Variants in ESR1 observed in about 807,000 individuals in gnomAD.
The protein encoded by ESR1 is estrogen receptor 1.
In ESR1, 12 loss-of-function variants were observed where a neutral mutation model predicts 52.7. That is an observed-to-expected ratio of 0.23 (90% confidence interval 0.15 to 0.37). The LOEUF is 0.37. Ranked by LOEUF, ESR1 falls within the 10% of genes least tolerant of loss-of-function variation. The probability of loss-of-function intolerance (pLI) is 1.00; values close to 1 mark genes in which losing one functional copy is unlikely to be tolerated. For missense variants in ESR1, 584 were observed against 779.7 expected, an observed-to-expected ratio of 0.75 and a Z score of 2.99; for synonymous variants, 305 against 316.8, an observed-to-expected ratio of 0.96 and a Z score of 0.39.
chr6:151,989,273 T>C (rs1330486658), intron 4 of ESR1, among the ~76,000 whole-genome samples: 2 of 152,114 alleles, frequency 1.3e-5, no homozygotes, highest in African/African-American at 2.4e-5. Context: ...GTCTAGTTGA[T>C]AAAAAATTTC....
chr6:151,917,722 C>T (rs1215401326), intron 3 of ESR1, among the ~76,000 whole-genome samples: 1 of 152,126 alleles, frequency 6.6e-6, no homozygotes, highest in Non-Finnish European at 1.5e-5. Flanking sequence ...CGGAAAATTT[C>T]AAAACAATTC....
chr6:151,786,801 A>G (rs12661437), intron 2 of ESR1, among the ~76,000 whole-genome samples: 43,587 of 151,736 alleles, frequency 0.29, 7,675 homozygotes, highest in African/African-American at 0.49. Context: ...GAGTCTTTTC[A>G]CCATTGCTTA....
chr6:151,851,599 C>A (rs1428004005), intron 2 of ESR1, among the ~76,000 whole-genome samples: 1 of 150,146 alleles, frequency 6.7e-6, no homozygotes, highest in Non-Finnish European at 1.5e-5. Flanking sequence ...ATTGTGTCAG[C>A]TCACAACAAC....
intron 3 of ESR1, among the ~76,000 whole-genome samples, chr6:151,931,117 C>A (rs775407468): frequency 6.6e-6 from 1 of 152,086 alleles, no homozygotes; most frequent in Non-Finnish European, 1.5e-5. Flanking sequence ...AGTTCTCAGC[C>A]ATTACTACCT....
intron 2 of ESR1, among the ~76,000 whole-genome samples, chr6:151,740,532 C>T (rs1203500039): frequency 6.6e-6 from 1 of 151,956 alleles, no homozygotes; most frequent in Non-Finnish European, 1.5e-5. Context: ...CTCCAGGAAA[C>T]TCTTACCTCA....
chr6:151,916,749 C>T (rs755040668), intron 3 of ESR1, among the ~76,000 whole-genome samples: 4 of 152,110 alleles, frequency 2.6e-5, no homozygotes, highest in Non-Finnish European at 5.9e-5. Context: ...CTAGATAAGA[C>T]ATAAGTTTGT....
At chr6:152,124,572 C>T (rs1432188267) in intron 6 of ESR1, among the ~76,000 whole-genome samples, 1 of 152,116 alleles carries the variant, frequency 6.6e-6, no homozygotes, top group Admixed American at 6.6e-5. Flanking sequence ...TTTTTGTCTT[C>T]TACTGATTTG....
intron 2 of ESR1, among the ~76,000 whole-genome samples, chr6:151,712,332 T>G (rs750610627): frequency 3.0e-4 from 45 of 152,342 alleles, no homozygotes; most frequent in Admixed American, 2.6e-4. Flanking sequence ...GGGCTTTTTT[T>G]TGGTTCCATA....
At chr6:152,056,890 C>T (rs535015339) in intron 5 of ESR1, among the ~76,000 whole-genome samples, 48 of 152,124 alleles carry the variant, frequency 3.2e-4, no homozygotes, top group Non-Finnish European at 5.1e-4. Context: ...CCATGCCCCA[C>T]GTGCTTCTCA....
At chr6:152,120,537 G>C (rs1015656240) in intron 6 of ESR1, among the ~76,000 whole-genome samples, 4 of 152,200 alleles carry the variant, frequency 2.6e-5, no homozygotes, top group African/African-American at 9.6e-5. Context: ...GAGTAGTAGA[G>C]AGAAGTCTTA....
chr6:152,098,644 T>C lies in ESR1; in HGVS notation c.1554-88T>C, dbSNP rs1452836531. The C allele has an allele frequency of 1.9e-6, 2 of 1,028,912 alleles. No homozygotes were observed. The highest frequency in any genetic ancestry group is 5.1e-5 in the East Asian group (2 of 39,254). 63.7% of individuals were successfully genotyped at this position (1,028,912 alleles called of 1,614,324 possible). Reference sequence around the variant, plus strand: ...AAAGATTGCTAAGTGTCTTTGGAGTTCCTCTTCCTTCCCCTTCTAGGGATT... The same window carrying C: ...AAAGATTGCTAAGTGTCTTTGGAGTCCCTCTTCCTTCCCCTTCTAGGGATT... On this transcript the variant is annotated intron_variant, in intron 7 of 7. Transcript: ENST00000206249. The surrounding 1 kb of genome is among the most constrained non-coding windows in gnomAD (Gnocchi z 5.1).
At chr6:152,000,428 G>A (rs1158660011) in intron 4 of ESR1, among the ~76,000 whole-genome samples, 2 of 151,904 alleles carry the variant, frequency 1.3e-5, no homozygotes, top group Non-Finnish European at 2.9e-5. Flanking sequence ...TGAGACACTT[G>A]GAACTCTAAG....
At chr6:151,904,868 C>T (rs1409344959) in intron 3 of ESR1, among the ~76,000 whole-genome samples, 1 of 152,018 alleles carries the variant, frequency 6.6e-6, no homozygotes, top group Non-Finnish European at 1.5e-5. Flanking sequence ...TGGTAATGGG[C>T]CAGGAAAGTG....
intron 4 of ESR1, among the ~76,000 whole-genome samples, chr6:152,001,730 T>C (rs1449811049): frequency 6.6e-6 from 1 of 152,012 alleles, no homozygotes; most frequent in East Asian, 1.9e-4. Context: ...GTTACTGACT[T>C]CAAAGGTGGG....
intron 4 of ESR1, among the ~76,000 whole-genome samples, chr6:151,979,409 TACA>T (rs1335008182): frequency 1.3e-5 from 2 of 152,330 alleles, no homozygotes; most frequent in East Asian, 1.9e-4. Context: ...ACATTAAATA[TACA>T]ACATTTCCTC....
At chr6:151,777,121 T>C (rs1052013657) in intron 2 of ESR1, among the ~76,000 whole-genome samples, 3 of 140,454 alleles carry the variant, frequency 2.1e-5, no homozygotes, top group Non-Finnish European at 3.1e-5. Context: ...TTCTTTTCTT[T>C]TCTTTTTTTT....
chr6:151,921,389 G>A (rs2031638623), intron 3 of ESR1, among the ~76,000 whole-genome samples: 3 of 152,110 alleles, frequency 2.0e-5, no homozygotes, highest in Non-Finnish European at 4.4e-5. Context: ...GTGCTGCAGT[G>A]AACATATGCA....
intron 6 of ESR1, chr6:152,122,231 T>G: frequency 1.3e-6 from 1 of 763,682 alleles, no homozygotes; most frequent in South Asian, 1.7e-5. Context: ...CTTCCAAACC[T>G]TCTTGTTGTC....
At chr6:151,805,814 C>T (rs1217708527), upstream of ESR1, 3 of 152,270 alleles carry the variant, frequency 2.0e-5, no homozygotes, top group African/African-American at 7.2e-5. Context: ...GTTCTTGATC[C>T]AGCAGGGTAG....
Sources: gnomAD v4.1 joint callset for allele counts (sites outside exome capture counted in the v4.1 genomes callset) on GRCh38, gnomAD v4.1.1 for gene constraint, Gnocchi (gnomAD v3.1) non-coding constraint, MANE v1.5 for transcripts, NCBI Gene and HGNC (gene_info 2026-07-23, HGNC 2026-07-21) for gene names.